Variants in DLG2 observed in about 807,000 individuals in gnomAD.
DLG2 encodes the protein discs large MAGUK scaffold protein 2, also known as disks large homolog 2.
In DLG2, 45 loss-of-function variants were observed where a neutral mutation model predicts 132.5. The observed-to-expected ratio is 0.34, with a 90% CI of 0.27 to 0.44. The LOEUF (loss-of-function observed/expected upper bound fraction) is 0.44. DLG2 is among the 20% of genes least tolerant of loss of function. The probability of loss-of-function intolerance (pLI) is 1.00; values close to 1 mark genes in which losing one functional copy is unlikely to be tolerated. For synonymous variants in DLG2, 424 were observed against 419.6 expected (o/e 1.01, Z -0.13); for missense variants, 1,045 against 1,196.9 (o/e 0.87, Z 1.87).
At chr11:84,263,343 C>G (rs1443731096) in intron 7 of DLG2, among the ~76,000 whole-genome samples, 2 of 152,062 alleles carry the variant, frequency 1.3e-5, no homozygotes. Context: ...AAATAAAAGA[C>G]AAAAGTTAAA....
intron 4 of DLG2, among the ~76,000 whole-genome samples, chr11:85,160,544 G>A (rs1010568730): frequency 2.6e-5 from 4 of 152,170 alleles, no homozygotes; most frequent in Non-Finnish European, 4.4e-5. Context: ...GACCTGAACT[G>A]CCTATCATGA....
intron 3 of DLG2, among the ~76,000 whole-genome samples, chr11:85,304,505 T>A (rs1388462348): frequency 2.6e-5 from 4 of 152,092 alleles, no homozygotes; most frequent in South Asian, 2.1e-4. Context: ...AGGTTGAGCA[T>A]CCCAAATCCC....
intron 7 of DLG2, among the ~76,000 whole-genome samples, chr11:84,510,206 T>C (rs2099253530): frequency 6.6e-6 from 1 of 151,742 alleles, no homozygotes; most frequent in South Asian, 2.1e-4. Context: ...GTATTAGTTA[T>C]TATATTATCA....
intron 19 of DLG2, among the ~76,000 whole-genome samples, chr11:83,588,632 T>C (rs2097134336): frequency 1.3e-5 from 2 of 151,430 alleles, no homozygotes; most frequent in Non-Finnish European, 3.0e-5. Flanking sequence ...GGAACAAAGC[T>C]GGATGGAGAA....
chr11:85,522,805 G>A (rs1309733607), intron 3 of DLG2, among the ~76,000 whole-genome samples: 1 of 152,182 alleles, frequency 6.6e-6, no homozygotes. Flanking sequence ...CCCAATGCCT[G>A]TACCCCCATT....
At chr11:83,890,801 C>A (rs962582596) in intron 15 of DLG2, among the ~76,000 whole-genome samples, 1 of 152,048 alleles carries the variant, frequency 6.6e-6, no homozygotes, top group Non-Finnish European at 1.5e-5. Flanking sequence ...TGACCTGAAC[C>A]TGAAATAACC....
At chr11:85,557,933 G>C (rs2077025737) in intron 3 of DLG2, among the ~76,000 whole-genome samples, 1 of 151,754 alleles carries the variant, frequency 6.6e-6, no homozygotes, top group Admixed American at 6.6e-5. Context: ...AAAAGTAATT[G>C]CAGCAAAAAC....
intron 4 of DLG2, among the ~76,000 whole-genome samples, chr11:85,275,668 A>AT (rs1219388723): frequency 6.6e-6 from 1 of 152,178 alleles, no homozygotes; most frequent in East Asian, 1.9e-4. Flanking sequence ...AGAAAAAAAA[A>AT]GTCCATACTT....
At chr11:84,058,292 A>C (rs1037870558) in intron 11 of DLG2, among the ~76,000 whole-genome samples, 9 of 152,008 alleles carry the variant, frequency 5.9e-5, no homozygotes, top group Admixed American at 3.9e-4. Flanking sequence ...TTTTTCCAAA[A>C]CATTAAATAC....
chr11:84,248,800 G>C (rs1201742914), intron 8 of DLG2, among the ~76,000 whole-genome samples: 1 of 152,270 alleles, frequency 6.6e-6, no homozygotes, highest in East Asian at 1.9e-4. Flanking sequence ...CTGGGAGGCA[G>C]AGGTTGCAGT....
intron 6 of DLG2, among the ~76,000 whole-genome samples, chr11:84,702,873 C>T (rs1365827099): frequency 6.6e-6 from 1 of 151,622 alleles, no homozygotes; most frequent in African/African-American, 2.4e-5. Flanking sequence ...TACACAGTGT[C>T]TGGCATATGA....
At chr11:83,724,753 A>T in intron 18 of DLG2, 1 of 669,272 alleles carries the variant, frequency 1.5e-6, no homozygotes. Flanking sequence ...TTTAGGAAGG[A>T]AAGGGAGGAG....
intron 8 of DLG2, among the ~76,000 whole-genome samples, chr11:84,218,324 A>C (rs1190357878): frequency 6.9e-6 from 1 of 145,098 alleles, no homozygotes; most frequent in Admixed American, 6.9e-5. Context: ...AGAGAAAGAA[A>C]GAGAAGGAAA....
rs557746244 is a variant in DLG2 at position 83,645,239 on chromosome 11, A to G, written c.1826-11914T>C. ...AAGGAGCTGCCATTGAGAGGAAGAA[A>G]AGAAAATGACACTGAGTCCATGTTG... On this transcript the variant is annotated intron_variant, in intron 18 of 27. Coordinates refer to ENST00000376104, the MANE Select transcript of DLG2 (RefSeq NM_001142699.3). Among the ~76,000 whole-genome samples, 13 of 152,318 alleles carry G rather than the reference A, an allele frequency of 8.5e-5. No homozygotes were observed. In the South Asian group the frequency reaches 2.7e-3, roughly 32 times the overall value.
intron 17 of DLG2, among the ~76,000 whole-genome samples, chr11:83,800,854 G>A (rs1175087091): frequency 6.6e-6 from 1 of 152,034 alleles, no homozygotes; most frequent in African/African-American, 2.4e-5. Flanking sequence ...ATCTTTATAA[G>A]AATATATAAG....
Position 84,464,213 on chromosome 11 carries a change from T to C in DLG2, c.519+70357A>G, listed in dbSNP as rs545773629. Among the ~76,000 whole-genome samples, 32 of 151,242 alleles carry C rather than the reference T, an allele frequency of 2.1e-4. No individual in the cohort carries two copies. In the South Asian group the frequency reaches 6.4e-3, roughly 30 times the overall value. On this transcript the variant is annotated intron_variant, in intron 7 of 27. Transcript: ENST00000376104. Reference sequence around the variant, plus strand: ...TATTACAAGATCCTAGTCTCAAGTTTTGCATATTGGCATCAGGTACACAAG... The same window carrying C: ...TATTACAAGATCCTAGTCTCAAGTTCTGCATATTGGCATCAGGTACACAAG...
At chr11:85,550,214 C>T (rs986593729) in intron 3 of DLG2, among the ~76,000 whole-genome samples, 3 of 152,186 alleles carry the variant, frequency 2.0e-5, no homozygotes, top group East Asian at 3.9e-4. Flanking sequence ...TCATACTGGC[C>T]CTTTGCCCTC....
At chr11:84,250,781 T>C (rs1375339016) in intron 8 of DLG2, among the ~76,000 whole-genome samples, 1 of 152,214 alleles carries the variant, frequency 6.6e-6, no homozygotes, top group Non-Finnish European at 1.5e-5. Flanking sequence ...TCATTATATA[T>C]AGATAGGCTC....
At chr11:84,017,159 C>G (rs968185605) in intron 11 of DLG2, among the ~76,000 whole-genome samples, 14 of 151,938 alleles carry the variant, frequency 9.2e-5, no homozygotes, top group Admixed American at 3.9e-4. Context: ...CTGGGAAGAG[C>G]AAAGAGAACA....
Sources: allele counts gnomAD v4.1 joint callset (sites outside exome capture counted in the v4.1 genomes callset), GRCh38; gene constraint gnomAD v4.1.1; transcripts MANE v1.5; gene names NCBI Gene and HGNC (gene_info 2026-07-23, HGNC 2026-07-21).